CPEB3: variants seen among roughly 807,000 people sequenced by gnomAD.
CPEB3 encodes the protein cytoplasmic polyadenylation element-binding protein 3.
Under a neutral mutation model 67.2 loss-of-function variants are expected in CPEB3, and 20 were observed. The ratio of observed to expected loss-of-function variants is 0.30; its 90% confidence interval spans 0.21 to 0.43. The LOEUF is 0.43. CPEB3 is among the 20% of genes least tolerant of loss of function. The probability of loss-of-function intolerance (pLI) is 1.00; values close to 1 mark genes in which losing one functional copy is unlikely to be tolerated. For synonymous variants in CPEB3, 376 were observed against 393.1 expected (o/e 0.96, Z 0.51); for missense variants, 746 against 968.6 (o/e 0.77, Z 3.05).
At chr10:92,164,437 T>G (rs932951350) in intron 4 of CPEB3, among the ~76,000 whole-genome samples, 3 of 152,166 alleles carry the variant, frequency 2.0e-5, no homozygotes, top group African/African-American at 7.2e-5. Context: ...CTTTGAAAAT[T>G]TCTTTGTGTG....
chr10:92,207,235 G>A (rs1488644001), intron 2 of CPEB3, among the ~76,000 whole-genome samples: 6 of 151,952 alleles, frequency 3.9e-5, no homozygotes, highest in Admixed American at 1.3e-4. Context: ...TGCCCCCATC[G>A]GCCTCCCAAA....
rs1258711355 is a variant in CPEB3 at position 92,287,439 on chromosome 10, A to G, written c.-12+3487T>C. On this transcript the variant is annotated intron_variant, in intron 1 of 9. Coordinates refer to ENST00000265997, the MANE Select transcript of CPEB3 (RefSeq NM_014912.5). ...GAGTCTTATTGGAAAATGTAAGACCACAAAAAACAAAGCTGACAAACAATA... is the reference window on the plus strand; with the variant it reads ...GAGTCTTATTGGAAAATGTAAGACCGCAAAAAACAAAGCTGACAAACAATA... 2.6e-5 allele frequency among the ~76,000 whole-genome samples: 4 copies of G among 152,232 alleles called. No homozygotes were observed. In the East Asian group the frequency reaches 7.7e-4, roughly 29 times the overall value.
At chr10:92,119,966 C>A (rs1049230286) in intron 6 of CPEB3, among the ~76,000 whole-genome samples, 7 of 150,578 alleles carry the variant, frequency 4.6e-5, no homozygotes, top group Admixed American at 2.0e-4. Context: ...AAAAAAAAAA[C>A]AAATTGCGCC....
intron 2 of CPEB3, chr10:92,216,455 C>G: frequency 6.2e-7 from 1 of 1,612,812 alleles, no homozygotes; most frequent in Non-Finnish European, 8.5e-7. Context: ...GGCTTCTCGC[C>G]GCCTCAAGCG....
At chr10:92,149,121 G>T (rs1367265065) in intron 4 of CPEB3, among the ~76,000 whole-genome samples, 1 of 152,110 alleles carries the variant, frequency 6.6e-6, no homozygotes, top group Non-Finnish European at 1.5e-5. Context: ...GGCTGGTCTT[G>T]AACTCCTGAC....
chr10:92,121,673 G>GAA (rs200227455), intron 6 of CPEB3, among the ~76,000 whole-genome samples: 3 of 147,570 alleles, frequency 2.0e-5, no homozygotes, highest in South Asian at 2.1e-4. Flanking sequence ...ACTACAAATG[G>GAA]AAAAAAAAAA....
intron 6 of CPEB3, among the ~76,000 whole-genome samples, chr10:92,134,325 G>T (rs571539278): frequency 6.6e-6 from 1 of 151,998 alleles, no homozygotes; most frequent in Non-Finnish European, 1.5e-5. Flanking sequence ...AAAGTCTCAG[G>T]ATACAAAATC....
chr10:92,107,391 A>C (rs1392466877), intron 7 of CPEB3, among the ~76,000 whole-genome samples: 1 of 152,204 alleles, frequency 6.6e-6, no homozygotes, highest in African/African-American at 2.4e-5. Context: ...AACTCCTCTG[A>C]TAATCCTTTC....
Position 92,240,233 on chromosome 10 carries a change from G to A in CPEB3, c.118C>T (p.Leu40Phe). 1 of 1,509,428 alleles carries A rather than the reference G, an allele frequency of 6.6e-7. No homozygotes were observed. Among genetic ancestry groups the A allele is most frequent in the South Asian group, 1.3e-5 (1 of 77,168 alleles). 93.5% of individuals were successfully genotyped at this position (1,509,428 alleles called of 1,614,324 possible). The change falls in exon 2 of 10, where the codon CTC (leucine) becomes TTC (phenylalanine). Residue 40 changes from leucine to phenylalanine, a missense_variant. Coordinates refer to ENST00000265997, the MANE Select transcript of CPEB3 (RefSeq NM_014912.5). ...TCCGGCTTGGGGGTCTCTGAGGAGA[G>A]GGGCGTGGACGGGGCTTCGGATACG... ...SSVSEAPSTP[L>F]SSETPKPEEN...
Position 92,182,317 on chromosome 10 carries a change from T to C in CPEB3, c.1166-1298A>G, listed in dbSNP as rs555683073. Among the ~76,000 whole-genome samples the C allele has an allele frequency of 2.0e-5, 3 of 152,330 alleles. No individual in the cohort carries two copies. In the South Asian group the frequency reaches 6.2e-4, roughly 32 times the overall value. On this transcript the variant is annotated intron_variant, in intron 3 of 9. Coordinates refer to ENST00000265997, the MANE Select transcript of CPEB3 (RefSeq NM_014912.5). ...AAAAGAGTCAGTGATCATTTGATGG[T>C]AAACTCCGTTACAGGGGACTGGAGG... is the stretch of plus-strand genomic sequence containing the variant.
intron 2 of CPEB3, among the ~76,000 whole-genome samples, chr10:92,226,501 C>A (rs879291120): frequency 6.6e-6 from 1 of 152,188 alleles, no homozygotes; most frequent in Admixed American, 6.5e-5. Flanking sequence ...CCTAATCAGT[C>A]ATTTGTAAAT....
chr10:92,289,241 C>CA (rs1842682403), intron 1 of CPEB3, among the ~76,000 whole-genome samples: 1 of 151,888 alleles, frequency 6.6e-6, no homozygotes, highest in African/African-American at 2.4e-5. Flanking sequence ...GACTCCGTCT[C>CA]AAAAAAATAA....
At chr10:92,236,199 C>T (rs1300588252) in intron 2 of CPEB3, among the ~76,000 whole-genome samples, 1 of 152,150 alleles carries the variant, frequency 6.6e-6, no homozygotes, top group Admixed American at 6.5e-5. Context: ...CAAAGAGAAT[C>T]TTACTTAAAA....
intron 1 of CPEB3, among the ~76,000 whole-genome samples, chr10:92,248,099 C>T (rs903766823): frequency 2.0e-5 from 3 of 152,244 alleles, no homozygotes; most frequent in African/African-American, 7.2e-5. Flanking sequence ...TTCCAAACCC[C>T]CTACCCCACC....
chr10:92,142,581 A>G (rs1846488704), intron 6 of CPEB3, among the ~76,000 whole-genome samples: 1 of 152,248 alleles, frequency 6.6e-6, no homozygotes, highest in Admixed American at 6.5e-5. Context: ...CTTAATATAC[A>G]GATGTGGATA....
chr10:92,276,799 C>T (rs1262744385), intron 1 of CPEB3, among the ~76,000 whole-genome samples: 1 of 152,150 alleles, frequency 6.6e-6, no homozygotes, highest in Non-Finnish European at 1.5e-5. Context: ...TTTTAACCTC[C>T]CACTAATAGT....
chr10:92,203,714 G>C (rs1320533741), intron 2 of CPEB3, among the ~76,000 whole-genome samples: 1 of 151,814 alleles, frequency 6.6e-6, no homozygotes, highest in East Asian at 1.9e-4. Context: ...GAGCCACCAC[G>C]TCCTCGATTT....
chr10:92,180,381 A>G (rs1848409564), intron 4 of CPEB3, among the ~76,000 whole-genome samples: 1 of 152,160 alleles, frequency 6.6e-6, no homozygotes, highest in African/African-American at 2.4e-5. Context: ...AAATAAGTTG[A>G]TTTATTCATT....
chr10:92,146,240 AC>A (rs1424613091), intron 4 of CPEB3, among the ~76,000 whole-genome samples: 1 of 152,200 alleles, frequency 6.6e-6, no homozygotes, highest in African/African-American at 2.4e-5. Context: ...CAGTAAATTT[AC>A]CAGCAGTAAA....
Sources: allele counts gnomAD v4.1 joint callset (sites outside exome capture counted in the v4.1 genomes callset), GRCh38; gene constraint gnomAD v4.1.1; transcripts MANE v1.5; gene names NCBI Gene and HGNC (gene_info 2026-07-23, HGNC 2026-07-21).